Variants in ADNP2 observed in about 807,000 individuals in gnomAD.
ADNP2 encodes activity-dependent neuroprotector homeobox protein 2.
Under a neutral mutation model 16.4 loss-of-function variants are expected in ADNP2, and 8 were observed. The ratio of observed to expected loss-of-function variants is 0.49; its 90% CI spans 0.29 to 0.88. The LOEUF is 0.88. Ranked by LOEUF, ADNP2 falls within the 40% of genes least tolerant of loss-of-function variation. The pLI is 0.09. For synonymous variants in ADNP2, 637 were observed against 545.8 expected, an observed-to-expected ratio of 1.17 and a Z score of -2.33; for missense variants, 1,397 against 1,395.1, an observed-to-expected ratio of 1.00 and a Z score of -0.02.
chr18:80,138,734 T>C lies in ADNP2; in HGVS notation c.3321T>C (p.Pro1107=), dbSNP rs138022476. ...ICMKAIKNHK[P]SVLLGFDMSE... is the part of the protein sequence containing the mutation. ...TGAAAGCAATAAAAAATCACAAGCCTTCTGTACTTTTAGGCTTTGATATGT... is the reference window on the plus strand; with the variant it reads ...TGAAAGCAATAAAAAATCACAAGCCCTCTGTACTTTTAGGCTTTGATATGT... The change falls in exon 4 of 4, where the codon CCT becomes CCC. Residue 1107 remains proline, a synonymous_variant. Transcript: ENST00000262198. The C allele has an allele frequency of 1.1e-5, 17 of 1,605,910 alleles. No homozygotes were observed. In the African/African-American group the frequency reaches 1.7e-4, roughly 17 times the overall value.
At position 80,138,842 on chromosome 18, in the gene ADNP2, G is replaced by C; in HGVS notation, c.*33G>C. 7.0e-7 allele frequency: 1 copy of C among 1,430,334 alleles called. No homozygotes were observed. The highest frequency in any genetic ancestry group is 9.2e-7 in the Non-Finnish European group (1 of 1,087,148). 88.6% of individuals were successfully genotyped at this position (1,430,334 alleles called of 1,614,324 possible). On this transcript the variant is annotated 3_prime_UTR_variant, in exon 4 of 4. Coordinates refer to ENST00000262198, the MANE Select transcript of ADNP2 (RefSeq NM_014913.4). ...AAAAAAAAAAAAAAGTAACTCTAAA[G>C]TAGTAGGTAGATTTTTTTCAGTTGA...
chr18:80,128,831 A>G lies in ADNP2; in HGVS notation c.109-4272A>G, dbSNP rs185035235. Among the ~76,000 whole-genome samples, 5 of 152,200 alleles carry G rather than the reference A, an allele frequency of 3.3e-5. No homozygotes were observed. The South Asian group carries it at 6.2e-4, about 19-fold the overall frequency. ...TGTTATAAAAATAATACTGTAATCT[A>G]TGAATGTTTGAAAATGCAGGTAACC... On this transcript the variant is annotated intron_variant, in intron 2 of 3. Coordinates refer to ENST00000262198, the MANE Select transcript of ADNP2 (RefSeq NM_014913.4).
At chr18:80,134,792 G>A (rs1400425980) in intron 3 of ADNP2, among the ~76,000 whole-genome samples, 1 of 152,106 alleles carries the variant, frequency 6.6e-6, no homozygotes, top group Non-Finnish European at 1.5e-5. Flanking sequence ...TTATCTTAGG[G>A]TCATCCATAG....
At chr18:80,124,769 TCA>T (rs1476062691) in intron 2 of ADNP2, among the ~76,000 whole-genome samples, 3 of 152,204 alleles carry the variant, frequency 2.0e-5, no homozygotes, top group African/African-American at 7.2e-5. Context: ...CAACCACCAG[TCA>T]TCTCATTAGC....
At chr18:80,134,086 C>G (rs1163353562) in intron 3 of ADNP2, among the ~76,000 whole-genome samples, 1 of 152,134 alleles carries the variant, frequency 6.6e-6, no homozygotes, top group Non-Finnish European at 1.5e-5. Flanking sequence ...CCATGAGTTG[C>G]AAGTTTCCTT....
Position 80,138,727 on chromosome 18 carries a change from A to G in ADNP2, c.3314A>G (p.His1105Arg), listed in dbSNP as rs967930463. 6.2e-7 allele frequency: 1 copy of G among 1,608,670 alleles called. No homozygotes were observed. The highest frequency in any genetic ancestry group is 8.5e-7 in the Non-Finnish European group (1 of 1,178,826). Residue 1105 changes from histidine (H) to arginine (R), a missense_variant, in exon 4 of 4, where the codon CAC (histidine) becomes CGC (arginine). This residue lies in a region of ADNP2 where 611 missense variants were observed against 648.7 expected (regional missense o/e 0.94). Coordinates refer to ENST00000262198, the MANE Select transcript of ADNP2 (RefSeq NM_014913.4). Reference protein sequence around the residue: ...RYICMKAIKNHKPSVLLGFDM... With the variant: ...RYICMKAIKNRKPSVLLGFDM... ...ATTTGCATGAAAGCAATAAAAAATC[A>G]CAAGCCTTCTGTACTTTTAGGCTTT...
At position 80,138,135 on chromosome 18, in the gene ADNP2, C is replaced by T; in HGVS notation, c.2722C>T (p.Leu908=). 6.2e-7 allele frequency: 1 copy of T among 1,614,092 alleles called. No homozygotes were observed. The highest frequency in any genetic ancestry group is 1.1e-5 in the South Asian group (1 of 91,084). Residue 908 remains leucine (L), a synonymous_variant, in exon 4 of 4, where the codon CTG becomes TTG. Coordinates refer to ENST00000262198, the MANE Select transcript of ADNP2 (RefSeq NM_014913.4). ...HHIMPTVHTV[L]KSPAFKCIHC... ...CATCATGCCCACAGTCCACACGGTC[C>T]TGAAGTCTCCCGCCTTCAAGTGCAT...
intron 1 of ADNP2, among the ~76,000 whole-genome samples, chr18:80,117,215 G>A (rs2052394901): frequency 6.6e-6 from 1 of 151,806 alleles, no homozygotes; most frequent in African/African-American, 2.4e-5. Flanking sequence ...TTTCATTACT[G>A]GTGCTTTTTG....
Position 80,138,103 on chromosome 18 carries a change from G to A in ADNP2, c.2690G>A (p.Arg897Lys). Residue 897 changes from arginine (R) to lysine (K), a missense_variant, in exon 4 of 4, where the codon AGG (arginine) becomes AAG (lysine). Coordinates refer to ENST00000262198, the MANE Select transcript of ADNP2 (RefSeq NM_014913.4). ...GCCTATGAGCTGCATTTGAAGGAGA[G>A]GCACCACATCATGCCCACAGTCCAC... The part of the protein sequence containing the change: ...TEAYELHLKE[R>K]HHIMPTVHTV... 4.3e-6 allele frequency: 7 copies of A among 1,613,518 alleles called. No individual in the cohort carries two copies. The highest frequency in any genetic ancestry group is 5.9e-6 in the Non-Finnish European group (7 of 1,179,754).
chr18:80,123,432 C>T (rs541928633), intron 2 of ADNP2, among the ~76,000 whole-genome samples: 5 of 151,794 alleles, frequency 3.3e-5, no homozygotes, highest in Admixed American at 2.0e-4. Flanking sequence ...AGTGCAGTGG[C>T]GCAATCTTGG....
chr18:80,109,596 CGCCGCCT>C (rs910403705), intron 1 of ADNP2, 124 bp downstream of exon 1: 10 of 149,000 alleles, frequency 6.7e-5, no homozygotes, highest in African/African-American at 2.2e-4. Context: ...CACCCACGCC[CGCCGCCT>C]GCCCTCGCGC....
chr18:80,138,840 AAGT>A lies in ADNP2; in HGVS notation c.*37_*39del. ...GCAAAAAAAAAAAAAAGTAACTCTA[AAGT>A]AGTAGGTAGATTTTTTTCAGTTGAA... On this transcript the variant is annotated 3_prime_UTR_variant, in exon 4 of 4. Transcript: ENST00000262198. The A allele has an allele frequency of 6.9e-7, 1 of 1,440,168 alleles. No homozygotes were observed. Among genetic ancestry groups the A allele is most frequent in the Non-Finnish European group, 9.2e-7 (1 of 1,091,294 alleles). 89.2% of individuals were successfully genotyped at this position (1,440,168 alleles called of 1,614,324 possible). A position where few individuals can be genotyped will look rare whatever the true frequency, so the allele number is the denominator to read the frequency against.
Position 80,138,427 on chromosome 18 carries a change from C to T in ADNP2, c.3014C>T (p.Ala1005Val). The T allele has an allele frequency of 6.2e-7, 1 of 1,614,006 alleles. No individual in the cohort carries two copies. The highest frequency in any genetic ancestry group is 1.1e-5 in the South Asian group (1 of 91,078). The change falls in exon 4 of 4, where the codon GCC (alanine) becomes GTC (valine). Residue 1005 changes from alanine (A) to valine (V), a missense_variant. Coordinates refer to ENST00000262198, the MANE Select transcript of ADNP2 (RefSeq NM_014913.4). ...EQPPILNADA[A>V]PGPEKVTSVV... Reference sequence around the variant, plus strand: ...CCTCCCATCCTAAATGCCGATGCAGCCCCGGGTCCAGAAAAGGTGACGAGT... The same window carrying T: ...CCTCCCATCCTAAATGCCGATGCAGTCCCGGGTCCAGAAAAGGTGACGAGT...
intron 2 of ADNP2, among the ~76,000 whole-genome samples, chr18:80,120,759 A>G (rs2052419324): frequency 6.6e-6 from 1 of 152,010 alleles, no homozygotes; most frequent in Non-Finnish European, 1.5e-5. Context: ...GGTTCAAGTG[A>G]TTCTCCTGCC....
chr18:80,111,647 A>G (rs1385244465), intron 1 of ADNP2, among the ~76,000 whole-genome samples: 1 of 148,446 alleles, frequency 6.7e-6, no homozygotes, highest in Non-Finnish European at 1.5e-5. Context: ...GCTCACTGCA[A>G]CCTCTGTCTC....
chr18:80,114,108 G>T (rs1048516562), intron 1 of ADNP2, among the ~76,000 whole-genome samples: 4 of 151,098 alleles, frequency 2.6e-5, no homozygotes, highest in African/African-American at 7.3e-5. Context: ...CAGGAGGATT[G>T]CTTGAGGTTG....
chr18:80,137,719 G>T lies in ADNP2; in HGVS notation c.2306G>T (p.Gly769Val). Residue 769 changes from glycine to valine, a missense_variant, in exon 4 of 4, where the codon GGC (glycine) becomes GTC (valine). Gly to Val is a moderately radical substitution (Grantham distance 109). Around this residue, in one of 3 missense-constraint regions of ADNP2, gnomAD observed 611 missense variants for 648.7 expected, o/e 0.94. Transcript: ENST00000262198. The surrounding 1 kb of genome is among the most constrained non-coding windows in gnomAD (Gnocchi z 4.2). ...CTTATACACCACTTGCTGATGCATG[G>T]CTTGGGGTGCTTGTTCTGTCCATGC... ...EELIHHLLMH[G>V]LGCLFCPCTF... 1.2e-6 allele frequency: 2 copies of T among 1,614,138 alleles called. No individual in the cohort carries two copies. Among genetic ancestry groups the T allele is most frequent in the Non-Finnish European group, 1.7e-6 (2 of 1,180,034 alleles).
At chr18:80,121,520 A>C (rs769305580) in intron 2 of ADNP2, among the ~76,000 whole-genome samples, 1 of 152,220 alleles carries the variant, frequency 6.6e-6, no homozygotes, top group Non-Finnish European at 1.5e-5. Context: ...CTTGTTGCAC[A>C]AAAGTTGTTA....
intron 3 of ADNP2, 61 bp downstream of exon 3, chr18:80,133,253 T>A: frequency 7.4e-7 from 1 of 1,351,882 alleles, no homozygotes; most frequent in Non-Finnish European, 1.1e-6. Context: ...ACTGTAAATG[T>A]GGTCTAAAGA....
Sources: allele counts gnomAD v4.1 joint callset (sites outside exome capture counted in the v4.1 genomes callset), GRCh38; gene constraint gnomAD v4.1.1; regional missense constraint gnomAD v4.1.1; non-coding constraint Gnocchi (gnomAD v3.1); transcripts MANE v1.5; gene names NCBI Gene and HGNC (gene_info 2026-07-23, HGNC 2026-07-21).